The following TMEM45A variants were observed in gnomAD, a reference collection of about 807,000 sequenced individuals.
The protein encoded by TMEM45A is transmembrane protein 45A.
TMEM45A carries 25 observed loss-of-function variants against 32.0 expected under a neutral mutation model. The observed-to-expected ratio is 0.78, with a 90% CI of 0.57 to 1.09. The LOEUF is 1.09. Among genes scored for constraint, TMEM45A ranks in the 50% least tolerant of loss-of-function variants. TMEM45A has a pLI of 0.00. For missense variants in TMEM45A, 302 were observed against 325.0 expected (o/e 0.93, Z 0.54); for synonymous variants, 122 against 114.8 (o/e 1.06, Z -0.40).
intron 1 of TMEM45A, among the ~76,000 whole-genome samples, chr3:100,526,878 G>T (rs1053634050): frequency 6.6e-6 from 1 of 152,138 alleles, no homozygotes; most frequent in African/African-American, 2.4e-5. Flanking sequence ...TCTAGTTCAA[G>T]GTTGGCTTTT....
rs1189538941 is a variant in TMEM45A, at chr3:100,555,240, C to G, written c.29C>G (p.Pro10Arg). 6.2e-7 allele frequency: 1 copy of G among 1,610,424 alleles called. No individual in the cohort carries two copies. Among genetic ancestry groups the G allele is most frequent in the Admixed American group, 1.7e-5 (1 of 59,536 alleles). MGNFRGHAL[P>R]GTFFFIIGLW... ...GGGAATTTCAGAGGTCATGCCCTCC[C>G]TGGAACCTTCTTTTTTATTATTGGT... The change falls in exon 2 of 6, where the codon CCT becomes CGT. Residue 10 changes from proline (P) to arginine (R), a missense_variant. By Grantham distance (103) the Pro-to-Arg change is moderately radical. Coordinates refer to ENST00000323523, the MANE Select transcript of TMEM45A (RefSeq NM_018004.3).
intron 1 of TMEM45A, among the ~76,000 whole-genome samples, chr3:100,509,765 C>T (rs904455585): frequency 1.8e-4 from 27 of 152,098 alleles, no homozygotes; most frequent in Non-Finnish European, 2.6e-4. Context: ...GTGCGCGCAC[C>T]GTGCATGAGC....
At position 100,570,968 on chromosome 3, in the gene TMEM45A, G is replaced by GT. The variant is rs200592209; in HGVS notation, c.734+2011dup. The GT allele has an allele frequency of 8.3e-3, 1,211 of 145,608 alleles. 17 individuals are homozygous for GT. Among genetic ancestry groups the GT allele is most frequent in the African/African-American group, 0.027 (1,080 of 39,750 alleles). The allele number at this position is 145,608 out of a possible 1,614,324, so 9.0% of individuals were successfully genotyped here. A position where few individuals can be genotyped will look rare whatever the true frequency, so the allele number is the denominator to read the frequency against. Reference sequence around the variant, plus strand: ...TGCTCATCTCCCTTTAAGAGTTTTTGTTTTTTTTTTCAAATACACCACAAA... The same window carrying GT: ...TGCTCATCTCCCTTTAAGAGTTTTTGTTTTTTTTTTTCAAATACACCACAAA... On this transcript the variant is annotated intron_variant, in intron 5 of 5. Transcript: ENST00000323523.
chr3:100,512,974 C>T (rs1292953192), intron 1 of TMEM45A, among the ~76,000 whole-genome samples: 1 of 150,444 alleles, frequency 6.6e-6, no homozygotes, highest in Admixed American at 6.6e-5. Context: ...GAAATTGTGG[C>T]AATAATCAAT....
At chr3:100,522,394 C>T (rs1455544222) in intron 1 of TMEM45A, among the ~76,000 whole-genome samples, 1 of 152,172 alleles carries the variant, frequency 6.6e-6, no homozygotes, top group Non-Finnish European at 1.5e-5. Flanking sequence ...TTCAATGGTG[C>T]AAGGCCCCAG....
intron 1 of TMEM45A, among the ~76,000 whole-genome samples, chr3:100,526,491 C>T (rs571564213): frequency 3.1e-4 from 47 of 151,186 alleles, no homozygotes; most frequent in Non-Finnish European, 4.9e-4. Flanking sequence ...GCTTCAAATC[C>T]CAGCTCTGCC....
At chr3:100,515,026 G>A (rs1708236728) in intron 1 of TMEM45A, among the ~76,000 whole-genome samples, 2 of 150,078 alleles carry the variant, frequency 1.3e-5, no homozygotes, top group African/African-American at 4.9e-5. Context: ...TACACTGTTG[G>A]TGGGACTGTA....
intron 1 of TMEM45A, among the ~76,000 whole-genome samples, chr3:100,520,488 C>T (rs1705413264): frequency 6.6e-6 from 1 of 152,180 alleles, no homozygotes; most frequent in Non-Finnish European, 1.5e-5. Flanking sequence ...GTGAGGCCCT[C>T]TTTTCCGCCC....
At chr3:100,520,967 T>G (rs1272847590) in intron 1 of TMEM45A, among the ~76,000 whole-genome samples, 1 of 152,224 alleles carries the variant, frequency 6.6e-6, no homozygotes, top group Non-Finnish European at 1.5e-5. Context: ...CCAGTCTTCT[T>G]TGGCCCATGA....
At chr3:100,542,028 C>T (rs1705891905) in intron 1 of TMEM45A, among the ~76,000 whole-genome samples, 1 of 152,086 alleles carries the variant, frequency 6.6e-6, no homozygotes, top group Non-Finnish European at 1.5e-5. Context: ...TTTATACTAG[C>T]ATATGCTGTT....
At chr3:100,526,823 A>C (rs1705554415) in intron 1 of TMEM45A, among the ~76,000 whole-genome samples, 2 of 152,218 alleles carry the variant, frequency 1.3e-5, no homozygotes, top group Non-Finnish European at 2.9e-5. Context: ...TAAGTAATTA[A>C]GCAAGATCCT....
intron 1 of TMEM45A, among the ~76,000 whole-genome samples, chr3:100,550,846 A>T (rs1326741899): frequency 6.6e-6 from 1 of 152,082 alleles, no homozygotes; most frequent in Non-Finnish European, 1.5e-5. Context: ...GGTAATGGGG[A>T]TACCAGGAGG....
chr3:100,552,266 T>A (rs1706122068), intron 1 of TMEM45A, among the ~76,000 whole-genome samples: 1 of 152,098 alleles, frequency 6.6e-6, no homozygotes, highest in African/African-American at 2.4e-5. Context: ...GGTGCCCCCA[T>A]AGTCAGTTGC....
chr3:100,500,242 A>G (rs59771628), intron 1 of TMEM45A, among the ~76,000 whole-genome samples: 2 of 151,914 alleles, frequency 1.3e-5, no homozygotes, highest in Non-Finnish European at 2.9e-5. Context: ...TGCATTGTTC[A>G]GACCTTGTTT....
intron 1 of TMEM45A, among the ~76,000 whole-genome samples, chr3:100,496,039 C>T (rs150165154): frequency 2.7e-3 from 407 of 152,266 alleles, no homozygotes; most frequent in Non-Finnish European, 4.5e-3. Context: ...TTGGAGTTCC[C>T]TTGCTTTCTC....
At chr3:100,511,265 AGCG>A (rs1172846658) in intron 1 of TMEM45A, among the ~76,000 whole-genome samples, 1 of 152,266 alleles carries the variant, frequency 6.6e-6, no homozygotes, top group Non-Finnish European at 1.5e-5. Context: ...TCAGACTAAC[AGCG>A]GATGTCTCGG....
At chr3:100,558,715 C>G in intron 4 of TMEM45A, 126 bp downstream of exon 4, 1 of 975,032 alleles carries the variant, frequency 1.0e-6, no homozygotes, top group Non-Finnish European at 1.5e-6. Flanking sequence ...TCATGGGCCT[C>G]TGAGAAGTGA....
chr3:100,511,887 A>G (rs1002266410), intron 1 of TMEM45A, among the ~76,000 whole-genome samples: 6 of 152,140 alleles, frequency 3.9e-5, no homozygotes, highest in Non-Finnish European at 5.9e-5. Context: ...AGGCCATTAC[A>G]TAATGGTAAA....
intron 1 of TMEM45A, among the ~76,000 whole-genome samples, chr3:100,512,796 A>G (rs1437580348): frequency 6.6e-6 from 1 of 151,166 alleles, no homozygotes; most frequent in Non-Finnish European, 1.5e-5. Context: ...AGGGGATATC[A>G]CCACTGATCC....
Sources: allele counts gnomAD v4.1 joint callset (sites outside exome capture counted in the v4.1 genomes callset), GRCh38; gene constraint gnomAD v4.1.1; transcripts MANE v1.5; gene names NCBI Gene and HGNC (gene_info 2026-07-23, HGNC 2026-07-21).